The following PTPRG variants were observed in gnomAD, a reference collection of about 807,000 sequenced individuals.
PTPRG encodes the protein receptor-type tyrosine-protein phosphatase gamma.
Under a neutral mutation model 165.3 loss-of-function variants are expected in PTPRG, and 102 were observed. The observed-to-expected ratio is 0.62, with a 90% confidence interval of 0.53 to 0.73. The LOEUF (loss-of-function observed/expected upper bound fraction) is 0.73, where lower values mean the gene tolerates loss of function less well. Ranked by LOEUF, PTPRG falls within the 30% of genes least tolerant of loss-of-function variation. PTPRG has a pLI of 0.00. For missense variants in PTPRG, 1,866 were observed against 1,861.4 expected (o/e 1.00, Z -0.05); for synonymous variants, 675 against 669.5 (o/e 1.01, Z -0.13).
chr3:61,641,011 C>T (rs1702044321), intron 1 of PTPRG, among the ~76,000 whole-genome samples: 2 of 152,258 alleles, frequency 1.3e-5, no homozygotes, highest in South Asian at 4.1e-4. Flanking sequence ...GAAGATTCTT[C>T]GAGCTTCGGC....
intron 9 of PTPRG, among the ~76,000 whole-genome samples, chr3:62,193,269 A>G (rs1699883834): frequency 6.6e-6 from 1 of 152,216 alleles, no homozygotes; most frequent in South Asian, 2.1e-4. Context: ...AGTGAATTCT[A>G]ATAAATCCCT....
At chr3:61,907,168 C>T (rs972179280) in intron 2 of PTPRG, among the ~76,000 whole-genome samples, 1 of 151,584 alleles carries the variant, frequency 6.6e-6, no homozygotes, top group South Asian at 2.1e-4. Context: ...TAAATGGTGT[C>T]ATAGTAAATA....
chr3:61,567,537 C>T (rs999166008), intron 1 of PTPRG, among the ~76,000 whole-genome samples: 3 of 151,540 alleles, frequency 2.0e-5, no homozygotes, highest in Non-Finnish European at 4.4e-5. Flanking sequence ...TAGCTGGGTG[C>T]ACTCTTTTGT....
intron 3 of PTPRG, among the ~76,000 whole-genome samples, chr3:61,996,946 A>C (rs1183285106): frequency 6.6e-6 from 1 of 152,212 alleles, no homozygotes; most frequent in African/African-American, 2.4e-5. Flanking sequence ...TGTAGACAGA[A>C]GCCTCATTAA....
At position 61,812,257 on chromosome 3, in the gene PTPRG, G is replaced by A. The variant is rs192355247; in HGVS notation, c.190+63275G>A. Among the ~76,000 whole-genome samples, 44 of 152,006 alleles carry A rather than the reference G, an allele frequency of 2.9e-4. 1 individual carries two copies. The East Asian group carries it at 3.5e-3, about 12-fold the overall frequency. ...GATTTTTAGATTTACTGTCTTGAGG[G>A]TAGTTTAGCAGTGGTCCTGACCATT... is the stretch of plus-strand genomic sequence containing the variant. On this transcript the variant is annotated intron_variant, in intron 2 of 29. Coordinates refer to ENST00000474889, the MANE Select transcript of PTPRG (RefSeq NM_002841.4).
intron 4 of PTPRG, among the ~76,000 whole-genome samples, chr3:62,033,384 G>C (rs1477807893): frequency 7.5e-6 from 1 of 132,464 alleles, no homozygotes; most frequent in Admixed American, 7.6e-5. Flanking sequence ...TTTTTTTTGA[G>C]ACAGGGTCTC....
chr3:61,849,033 G>A (rs766393397), intron 2 of PTPRG, among the ~76,000 whole-genome samples: 5 of 152,130 alleles, frequency 3.3e-5, no homozygotes, highest in Admixed American at 6.5e-5. Flanking sequence ...CCTAAATTGC[G>A]TTTGTTCTTG....
chr3:61,822,675 A>G (rs1010050537), intron 2 of PTPRG, among the ~76,000 whole-genome samples: 4 of 152,192 alleles, frequency 2.6e-5, no homozygotes, highest in African/African-American at 4.8e-5. Context: ...TTTCTTTCCA[A>G]TTTAAGCAAG....
chr3:61,742,973 C>G, intron 1 of PTPRG: 2 of 1,501,286 alleles, frequency 1.3e-6, no homozygotes, highest in South Asian at 2.2e-5. Flanking sequence ...AAGCACTTGT[C>G]CTTCTGGGGG....
chr3:62,036,983 G>GCGCACACACACACACACACACACA (rs145992725), intron 4 of PTPRG, among the ~76,000 whole-genome samples: 1 of 150,456 alleles, frequency 6.6e-6, no homozygotes, highest in South Asian at 2.1e-4. Context: ...GCGCGCGCAC[G>GCGCACACACACACACACACACACA]CACACACACA....
intron 4 of PTPRG, among the ~76,000 whole-genome samples, chr3:62,073,481 T>G (rs1040753607): frequency 1.3e-5 from 2 of 152,016 alleles, no homozygotes; most frequent in African/African-American, 4.8e-5. Context: ...GGAGAAGATA[T>G]AAATTTTTTT....
chr3:61,592,170 T>C (rs899017346), intron 1 of PTPRG, among the ~76,000 whole-genome samples: 1 of 152,038 alleles, frequency 6.6e-6, no homozygotes, highest in African/African-American at 2.4e-5. Context: ...TTTCTCCATG[T>C]TGGTCAGGGT....
chr3:61,826,309 T>C (rs1316629043), intron 2 of PTPRG, among the ~76,000 whole-genome samples: 5 of 152,148 alleles, frequency 3.3e-5, no homozygotes, highest in African/African-American at 1.2e-4. Flanking sequence ...GCTGATACAT[T>C]TAAACTGTGG....
In PTPRG at chr3:62,191,670, C is replaced by T. The variant is rs745474044; in HGVS notation, c.1218+17C>T. ...AAAGACTTGGTATGAAGCCCCTCCT[C>T]TGATTCAGGGTACATGCTGCAGAGA... On this transcript the variant is annotated intron_variant, in intron 9 of 29. Transcript: ENST00000474889. The T allele has an allele frequency of 6.2e-7, 1 of 1,610,886 alleles. No individual in the cohort carries two copies. The highest frequency in any genetic ancestry group is 8.5e-7 in the Non-Finnish European group (1 of 1,177,616).
chr3:61,859,152 A>G (rs1288016743), intron 2 of PTPRG, among the ~76,000 whole-genome samples: 1 of 152,166 alleles, frequency 6.6e-6, no homozygotes, highest in African/African-American at 2.4e-5. Context: ...TTTTCAAAGT[A>G]TATGTGCTTT....
intron 1 of PTPRG, among the ~76,000 whole-genome samples, chr3:61,688,390 G>C (rs1026646726): frequency 6.6e-6 from 1 of 152,154 alleles, no homozygotes; most frequent in African/African-American, 2.4e-5. Flanking sequence ...AGTTTTTTGA[G>C]GCATCGGAGC....
chr3:61,663,196 T>C (rs1702714586), intron 1 of PTPRG, among the ~76,000 whole-genome samples: 1 of 151,804 alleles, frequency 6.6e-6, no homozygotes, highest in Non-Finnish European at 1.5e-5. Context: ...AAAAGAGCAA[T>C]GTCGTTGGCA....
intron 2 of PTPRG, among the ~76,000 whole-genome samples, chr3:61,762,160 C>G (rs2033861753): frequency 6.6e-6 from 1 of 152,148 alleles, no homozygotes; most frequent in Non-Finnish European, 1.5e-5. Flanking sequence ...TCCACACTCT[C>G]CTCTTGGGGA....
At chr3:62,077,394 G>A (rs149173606) in intron 4 of PTPRG, among the ~76,000 whole-genome samples, 18 of 152,158 alleles carry the variant, frequency 1.2e-4, no homozygotes, top group African/African-American at 3.6e-4. Context: ...GCAAATTATC[G>A]TCAAATTTCT....
Sources: gnomAD v4.1 joint callset for allele counts (sites outside exome capture counted in the v4.1 genomes callset) on GRCh38, gnomAD v4.1.1 for gene constraint, MANE v1.5 for transcripts, NCBI Gene and HGNC (gene_info 2026-07-23, HGNC 2026-07-21) for gene names.